Variants in SORCS3 observed in about 807,000 individuals in gnomAD.
SORCS3 encodes sortilin related VPS10 domain containing receptor 3, also known as VPS10 domain-containing receptor SorCS3.
Under a neutral mutation model 146.3 loss-of-function variants are expected in SORCS3, and 57 were observed. The observed-to-expected ratio is 0.39, with a 90% CI of 0.31 to 0.49. SORCS3 has a LOEUF of 0.49. Ranked by LOEUF, SORCS3 falls within the 20% of genes least tolerant of loss-of-function variation. The probability of loss-of-function intolerance (pLI) is 0.92; values close to 1 mark genes in which losing one functional copy is unlikely to be tolerated. For missense variants in SORCS3, 1,341 were observed against 1,575.5 expected, an observed-to-expected ratio of 0.85 and a Z score of 2.52; for synonymous variants, 653 against 618.5, an observed-to-expected ratio of 1.06 and a Z score of -0.83.
intron 5 of SORCS3, among the ~76,000 whole-genome samples, chr10:105,075,989 A>G (rs558477337): frequency 1.3e-5 from 2 of 152,284 alleles, no homozygotes; most frequent in East Asian, 3.9e-4. Flanking sequence ...CTTTCTACAT[A>G]ATCAGGAAGT....
rs533503389 is a variant in SORCS3, at chr10:104,834,564, C to T, written c.628-8228C>T. 4.8e-4 allele frequency among the ~76,000 whole-genome samples: 73 copies of T among 152,034 alleles called. 1 individual carries two copies. Among genetic ancestry groups the T allele is most frequent in the Non-Finnish European group, 6.3e-4 (43 of 68,020 alleles). ...TACTTTTGCAACCTTCATTCCCCAC[C>T]TGCCACCCCCCCAGCCCACCCTGGA... On this transcript the variant is annotated intron_variant, in intron 1 of 26. Transcript: ENST00000369701.
chr10:104,644,835 G>A (rs1168701107), intron 1 of SORCS3, among the ~76,000 whole-genome samples: 1 of 152,162 alleles, frequency 6.6e-6, no homozygotes, highest in African/African-American at 2.4e-5. Flanking sequence ...CCCTTTTGGG[G>A]AGCGTTTTCA....
intron 3 of SORCS3, among the ~76,000 whole-genome samples, chr10:104,952,255 GAAAAAAAAAAA>G (rs55880149): frequency 4.4e-4 from 18 of 40,608 alleles, no homozygotes; most frequent in Admixed American, 2.4e-3. Context: ...ATGAATGTTT[GAAAAAAAAAAA>G]AAAAAAAAAA....
intron 6 of SORCS3, among the ~76,000 whole-genome samples, chr10:105,102,965 A>G (rs1442246361): frequency 1.3e-5 from 2 of 151,692 alleles, no homozygotes; most frequent in East Asian, 1.9e-4. Context: ...AGTATTTTGC[A>G]TTTGTGGTAG....
chr10:105,256,791 C>G, intron 24 of SORCS3, 28 bp from the exon 25 acceptor site: 1 of 1,576,342 alleles, frequency 6.3e-7, no homozygotes, highest in Non-Finnish European at 8.7e-7. Context: ...CATATCTGTT[C>G]TTTTCCTTAT....
intron 4 of SORCS3, among the ~76,000 whole-genome samples, chr10:105,003,719 C>T (rs907101805): frequency 8.6e-5 from 13 of 152,010 alleles, no homozygotes; most frequent in Non-Finnish European, 1.3e-4. Context: ...GGTGCCTGTC[C>T]CCCTAACTTT....
chr10:104,881,834 G>A (rs1435338904), intron 2 of SORCS3, among the ~76,000 whole-genome samples: 1 of 152,178 alleles, frequency 6.6e-6, no homozygotes, highest in East Asian at 1.9e-4. Flanking sequence ...TGTGACCTTG[G>A]AGAAGCCACT....
In SORCS3 at chr10:104,894,077, T is replaced by A. The variant is rs2133585237; in HGVS notation, c.696-21756T>A. Reference sequence around the variant, plus strand: ...GTTCTTAATTATTCCAGCTACTCACTGACCAGGCTTCCTCTCTGTTATTTG... The same window carrying A: ...GTTCTTAATTATTCCAGCTACTCACAGACCAGGCTTCCTCTCTGTTATTTG... On this transcript the variant is annotated intron_variant, in intron 2 of 26. Coordinates refer to ENST00000369701, the MANE Select transcript of SORCS3 (RefSeq NM_014978.3). Among the ~76,000 whole-genome samples, 7 of 152,364 alleles carry A rather than the reference T, an allele frequency of 4.6e-5. 1 individual carries two copies. The South Asian group carries it at 1.4e-3, about 32-fold the overall frequency.
At chr10:105,113,647 A>G (rs904342833) in intron 7 of SORCS3, among the ~76,000 whole-genome samples, 13 of 152,090 alleles carry the variant, frequency 8.5e-5, no homozygotes, top group African/African-American at 1.7e-4. Context: ...TTATTTTCCT[A>G]TTGACTAGGA....
chr10:105,169,516 G>A (rs1465572076), intron 13 of SORCS3, among the ~76,000 whole-genome samples: 1 of 152,074 alleles, frequency 6.6e-6, no homozygotes, highest in African/African-American at 2.4e-5. Flanking sequence ...ATTTACAGGA[G>A]AGGTGAGAGG....
chr10:105,080,513 T>C (rs566589107), intron 5 of SORCS3, among the ~76,000 whole-genome samples: 1 of 152,200 alleles, frequency 6.6e-6, no homozygotes, highest in African/African-American at 2.4e-5. Flanking sequence ...TATTGATAGA[T>C]TTTTTGCTGT....
intron 1 of SORCS3, among the ~76,000 whole-genome samples, chr10:104,750,980 T>C (rs1255620577): frequency 6.6e-6 from 1 of 152,186 alleles, no homozygotes; most frequent in Non-Finnish European, 1.5e-5. Context: ...TATTTTAATT[T>C]AGAATAATTT....
At chr10:104,764,274 G>C (rs922632042) in intron 1 of SORCS3, among the ~76,000 whole-genome samples, 1 of 152,086 alleles carries the variant, frequency 6.6e-6, no homozygotes, top group African/African-American at 2.4e-5. Flanking sequence ...GAACTCCTGG[G>C]GATCCTGTTG....
chr10:105,080,861 C>G (rs2055620259), intron 5 of SORCS3, among the ~76,000 whole-genome samples: 1 of 152,158 alleles, frequency 6.6e-6, no homozygotes, highest in South Asian at 2.1e-4. Flanking sequence ...GGCCACACAT[C>G]TACAACTACC....
chr10:104,690,204 A>G (rs530517154), intron 1 of SORCS3, among the ~76,000 whole-genome samples: 1 of 152,316 alleles, frequency 6.6e-6, no homozygotes, highest in South Asian at 2.1e-4. Context: ...CAGTACCTGC[A>G]AAGGCATAAT....
intron 4 of SORCS3, among the ~76,000 whole-genome samples, chr10:105,010,081 G>A (rs747679327): frequency 2.5e-4 from 38 of 152,178 alleles, no homozygotes; most frequent in Non-Finnish European, 4.6e-4. Flanking sequence ...AAAGAGCACA[G>A]GACCCAGGTT....
chr10:104,704,169 CTTT>C (rs10694540), intron 1 of SORCS3, among the ~76,000 whole-genome samples: 3 of 137,778 alleles, frequency 2.2e-5, no homozygotes. Context: ...CCTTCTATGA[CTTT>C]TTTTTTTTTT....
At chr10:105,173,301 ACT>A (rs368930781) in intron 13 of SORCS3, among the ~76,000 whole-genome samples, 14 of 152,194 alleles carry the variant, frequency 9.2e-5, no homozygotes, top group African/African-American at 3.4e-4. Context: ...ACAGAGCGAG[ACT>A]CTGTCTCAAA....
Position 104,940,238 on chromosome 10 carries a change from A to ATATATATATATATAT in SORCS3, c.795+24307_795+24308insATATATATATATATT, listed in dbSNP as rs1435205868. On this transcript the variant is annotated intron_variant, in intron 3 of 26. Coordinates refer to ENST00000369701, the MANE Select transcript of SORCS3 (RefSeq NM_014978.3). ...TATATATATATATATATATATATAT[A>ATATATATATATATAT]TTTTTTTTTTTTTTTTTATTATACT... Among the ~76,000 whole-genome samples, 104 of 31,430 alleles carry ATATATATATATATAT rather than the reference A, an allele frequency of 3.3e-3. 1 individual carries two copies. The highest frequency in any genetic ancestry group is 4.2e-3 in the East Asian group (2 of 476). The allele number at this position is 31,430 out of a possible 152,430, so 20.6% of individuals were successfully genotyped here. A position where few individuals can be genotyped will look rare whatever the true frequency, so the allele number is the denominator to read the frequency against.
Sources: allele counts gnomAD v4.1 joint callset (sites outside exome capture counted in the v4.1 genomes callset), GRCh38; gene constraint gnomAD v4.1.1; transcripts MANE v1.5; gene names NCBI Gene and HGNC (gene_info 2026-07-23, HGNC 2026-07-21).